Variants in CBL observed in about 807,000 individuals in gnomAD.
The protein encoded by CBL is Cbl proto-oncogene, also known as E3 ubiquitin-protein ligase CBL.
CBL carries 45 observed loss-of-function variants against 96.9 expected under a neutral mutation model. The observed-to-expected ratio is 0.46, with a 90% CI of 0.37 to 0.60. The LOEUF is 0.60. CBL is among the 20% of genes least tolerant of loss of function. The probability of loss-of-function intolerance (pLI) is 0.00; values close to 1 mark genes in which losing one functional copy is unlikely to be tolerated. For missense variants in CBL, 1,024 were observed against 1,143.5 expected, an observed-to-expected ratio of 0.90 and a Z score of 1.51; for synonymous variants, 420 against 426.8, an observed-to-expected ratio of 0.98 and a Z score of 0.20.
chr11:119,214,734 T>A (rs1949344577), intron 1 of CBL, among the ~76,000 whole-genome samples: 1 of 152,164 alleles, frequency 6.6e-6, no homozygotes, highest in African/African-American at 2.4e-5. Flanking sequence ...CTTCATTTTT[T>A]ATTTTTTTCT....
intron 2 of CBL, among the ~76,000 whole-genome samples, chr11:119,259,964 G>GT (rs1192262902): frequency 6.6e-6 from 1 of 152,086 alleles, no homozygotes; most frequent in Non-Finnish European, 1.5e-5. Context: ...TGATTATCTT[G>GT]TACAAGGGCA....
intron 1 of CBL, among the ~76,000 whole-genome samples, chr11:119,229,500 G>A (rs1949484745): frequency 1.3e-5 from 2 of 152,116 alleles, no homozygotes; most frequent in Non-Finnish European, 1.5e-5. Context: ...CTTTAATCCC[G>A]GCTATTCAGG....
At position 119,299,710 on chromosome 11, in the gene CBL, A is replaced by G. The variant is rs1465754964; in HGVS notation, c.2650A>G (p.Asn884Asp). Reference protein sequence around the residue: ...IQKALVIAQNNIEMAKNILRE... With the variant: ...IQKALVIAQNDIEMAKNILRE... ...GAAAGCTTTGGTCATTGCCCAGAAC[A>G]ACATCGAGATGGCCAAAAACATCCT... Residue 884 changes from asparagine (N) to aspartate (D), a missense_variant, in exon 16 of 16, where the codon AAC becomes GAC. By Grantham distance (23) the Asn-to-Asp change is conservative. This residue lies in a region of CBL where 23 missense variants were observed against 42.7 expected (regional missense o/e 0.54). Transcript: ENST00000264033. The G allele has an allele frequency of 1.2e-6, 2 of 1,614,220 alleles. No individual in the cohort carries two copies. Among genetic ancestry groups the G allele is most frequent in the East Asian group, 2.2e-5 (1 of 44,896 alleles).
Position 119,275,985 on chromosome 11 carries a change from G to T in CBL, c.870-12G>T. 1 of 1,614,006 alleles carries T rather than the reference G, an allele frequency of 6.2e-7. No homozygotes were observed. Among genetic ancestry groups the T allele is most frequent in the South Asian group, 1.1e-5 (1 of 91,084 alleles). ...ATAATCTACTAAAGCTTCTGTTTAT[G>T]TCTGTTCATAGTTATATCTTCCGGC... is the stretch of plus-strand genomic sequence containing the variant. On this transcript the variant is annotated splice_polypyrimidine_tract_variant and intron_variant, in intron 5 of 15. Transcript: ENST00000264033.
intron 4 of CBL, 98 bp from the exon 5 acceptor site, chr11:119,274,734 T>G (rs1949875178): frequency 5.2e-6 from 6 of 1,145,538 alleles, no homozygotes; most frequent in South Asian, 1.3e-5. Flanking sequence ...TTTCTGACAA[T>G]GAACTGAGAG....
chr11:119,220,183 T>G (rs910519779), intron 1 of CBL, among the ~76,000 whole-genome samples: 6 of 151,964 alleles, frequency 3.9e-5, no homozygotes, highest in Admixed American at 2.0e-4. Context: ...GTATATTTAG[T>G]AGAGATGGGG....
At chr11:119,239,178 C>T (rs1949566956) in intron 2 of CBL, among the ~76,000 whole-genome samples, 1 of 152,070 alleles carries the variant, frequency 6.6e-6, no homozygotes, top group Non-Finnish European at 1.5e-5. Context: ...GTCGTGTTGC[C>T]CATGCCGGTC....
rs1053596764 is a variant in CBL, at chr11:119,305,677, C to G, written c.*5896C>G. 1 of 224,432 alleles carries G rather than the reference C, an allele frequency of 4.5e-6. No individual in the cohort carries two copies. Among genetic ancestry groups the G allele is most frequent in the East Asian group, 6.5e-5 (1 of 15,346 alleles). 13.9% of individuals were successfully genotyped at this position (224,432 alleles called of 1,614,324 possible). Reference sequence around the variant, plus strand: ...TTCCAGTTTAGGATAGAGTTTTTACCGAGAGCTCTTTAGACAGTATACCTG... The same window carrying G: ...TTCCAGTTTAGGATAGAGTTTTTACGGAGAGCTCTTTAGACAGTATACCTG... On this transcript the variant is annotated 3_prime_UTR_variant, in exon 16 of 16. Coordinates refer to ENST00000264033, the MANE Select transcript of CBL (RefSeq NM_005188.4).
chr11:119,218,689 A>G (rs1043908856), intron 1 of CBL, among the ~76,000 whole-genome samples: 1 of 152,194 alleles, frequency 6.6e-6, no homozygotes, highest in African/African-American at 2.4e-5. Context: ...CCTAGTAGTC[A>G]TCTTGATTCT....
chr11:119,231,600 C>T (rs1014191264), intron 1 of CBL, among the ~76,000 whole-genome samples: 1 of 150,712 alleles, frequency 6.6e-6, no homozygotes, highest in Non-Finnish European at 1.5e-5. Context: ...CCCAGCTACT[C>T]AGGAGGCTGA....
intron 1 of CBL, among the ~76,000 whole-genome samples, chr11:119,211,125 A>G (rs1282640672): frequency 6.6e-6 from 1 of 152,148 alleles, no homozygotes; most frequent in East Asian, 1.9e-4. Context: ...TAATCCCAGC[A>G]CTTTGGGAGG....
chr11:119,230,502 T>C (rs1045763239), intron 1 of CBL, among the ~76,000 whole-genome samples: 1 of 152,208 alleles, frequency 6.6e-6, no homozygotes, highest in African/African-American at 2.4e-5. Context: ...CTTCCATTAA[T>C]GTTAGCTTAG....
intron 2 of CBL, among the ~76,000 whole-genome samples, chr11:119,266,085 A>G (rs1949801726): frequency 6.6e-6 from 1 of 151,436 alleles, no homozygotes; most frequent in Non-Finnish European, 1.5e-5. Flanking sequence ...TGGTCCAGCT[A>G]TTCAGGAGGC....
At chr11:119,211,877 A>G (rs1313489376) in intron 1 of CBL, among the ~76,000 whole-genome samples, 3 of 152,150 alleles carry the variant, frequency 2.0e-5, no homozygotes, top group African/African-American at 4.8e-5. Context: ...CCCACTCCTG[A>G]AGTAGAGCAT....
intron 1 of CBL, among the ~76,000 whole-genome samples, chr11:119,219,247 C>T (rs777943546): frequency 9.9e-5 from 15 of 151,746 alleles, no homozygotes; most frequent in Non-Finnish European, 1.9e-4. Flanking sequence ...GGTATGGAGG[C>T]GGGCTCCTGT....
chr11:119,279,948 C>T (rs1949920867), intron 9 of CBL, among the ~76,000 whole-genome samples: 1 of 152,152 alleles, frequency 6.6e-6, no homozygotes, highest in Non-Finnish European at 1.5e-5. Context: ...GACATATGTG[C>T]AGGTGAAACA....
intron 1 of CBL, among the ~76,000 whole-genome samples, chr11:119,223,578 C>T (rs1006490740): frequency 1.2e-4 from 18 of 147,490 alleles, no homozygotes; most frequent in South Asian, 2.1e-4. Flanking sequence ...TACAGGCGCC[C>T]GCCACCACGC....
chr11:119,305,364 C>A lies in CBL; in HGVS notation c.*5583C>A. 4.3e-6 allele frequency: 1 copy of A among 231,848 alleles called. No homozygotes were observed. 14.4% of individuals were successfully genotyped at this position (231,848 alleles called of 1,614,324 possible). A position where few individuals can be genotyped will look rare whatever the true frequency, so the allele number is the denominator to read the frequency against. On this transcript the variant is annotated 3_prime_UTR_variant, in exon 16 of 16. Coordinates refer to ENST00000264033, the MANE Select transcript of CBL (RefSeq NM_005188.4). ...CATTCAGCCTCAGGTCTTTTGCCTT[C>A]TTCCGTGTTTATTTAGAGAGCAGAA...
Position 119,299,848 on chromosome 11 carries a change from A to G in CBL, c.*67A>G, listed in dbSNP as rs1427687098. ...GGGAGTTATTACTCAAGTGGCACCT[A>G]GAAGGGCAGGAGTTCCTTTGGTGAC... On this transcript the variant is annotated 3_prime_UTR_variant, in exon 16 of 16. Transcript: ENST00000264033. 1 of 1,513,118 alleles carries G rather than the reference A, an allele frequency of 6.6e-7. No individual in the cohort carries two copies. The highest frequency in any genetic ancestry group is 9.1e-7 in the Non-Finnish European group (1 of 1,095,466). The allele number at this position is 1,513,118 out of a possible 1,614,324, so 93.7% of individuals were successfully genotyped here.
Sources: gnomAD v4.1 joint callset for allele counts (sites outside exome capture counted in the v4.1 genomes callset) on GRCh38, gnomAD v4.1.1 for gene constraint, gnomAD v4.1.1 regional missense constraint, MANE v1.5 for transcripts, NCBI Gene and HGNC (gene_info 2026-07-23, HGNC 2026-07-21) for gene names.